Variants in MDGA2 observed in about 807,000 individuals in gnomAD.
The protein encoded by MDGA2 is MAM domain containing glycosylphosphatidylinositol anchor 2, also known as MAM domain-containing glycosylphosphatidylinositol anchor protein 2.
Under a neutral mutation model 117.8 loss-of-function variants are expected in MDGA2, and 40 were observed. The observed-to-expected ratio is 0.34, with a 90% confidence interval of 0.26 to 0.44. The LOEUF is 0.44. Ranked by LOEUF, MDGA2 falls within the 20% of genes least tolerant of loss-of-function variation. The probability of loss-of-function intolerance (pLI) is 1.00; values close to 1 mark genes in which losing one functional copy is unlikely to be tolerated. For missense variants in MDGA2, 1,123 were observed against 1,250.6 expected (o/e 0.90, Z 1.54); for synonymous variants, 452 against 439.0 (o/e 1.03, Z -0.37).
At chr14:47,414,656 A>C (rs1892439455) in intron 1 of MDGA2, among the ~76,000 whole-genome samples, 1 of 152,102 alleles carries the variant, frequency 6.6e-6, no homozygotes, top group Non-Finnish European at 1.5e-5. Context: ...GTGGATCTGA[A>C]ACCTGCCAAG....
At chr14:47,548,703 A>G (rs1012528214) in intron 1 of MDGA2, among the ~76,000 whole-genome samples, 8 of 152,114 alleles carry the variant, frequency 5.3e-5, no homozygotes, top group African/African-American at 1.9e-4. Context: ...GTCAAGGGTG[A>G]GAAATTAAGG....
At chr14:47,516,478 T>C (rs984961778) in intron 1 of MDGA2, among the ~76,000 whole-genome samples, 3 of 152,176 alleles carry the variant, frequency 2.0e-5, no homozygotes, top group East Asian at 3.9e-4. Flanking sequence ...TTACTACTGA[T>C]TAATAGACTT....
chr14:47,583,559 C>A (rs1194094584), intron 1 of MDGA2, among the ~76,000 whole-genome samples: 1 of 151,758 alleles, frequency 6.6e-6, no homozygotes, highest in African/African-American at 2.4e-5. Flanking sequence ...TATCTTAACA[C>A]CCAGCAATAA....
At chr14:47,637,382 A>C (rs1897342985) in intron 1 of MDGA2, among the ~76,000 whole-genome samples, 1 of 152,242 alleles carries the variant, frequency 6.6e-6, no homozygotes, top group East Asian at 1.9e-4. Context: ...AATTATTTAA[A>C]ATAACTAAAT....
At chr14:47,556,852 T>C (rs905263375) in intron 1 of MDGA2, among the ~76,000 whole-genome samples, 8 of 152,242 alleles carry the variant, frequency 5.3e-5, no homozygotes, top group Non-Finnish European at 8.8e-5. Context: ...AGTATCTTTA[T>C]GTGGTGTTTG....
intron 2 of MDGA2, among the ~76,000 whole-genome samples, chr14:47,288,786 TTAA>T: frequency 6.6e-6 from 1 of 151,806 alleles, no homozygotes; most frequent in East Asian, 1.9e-4. Context: ...TGAATCATTC[TTAA>T]TAACTGTTTT....
At position 47,276,850 on chromosome 14, in the gene MDGA2, G is replaced by C. The variant is rs575861587; in HGVS notation, c.420+24561C>G. 3.5e-4 allele frequency among the ~76,000 whole-genome samples: 53 copies of C among 152,188 alleles called. 1 individual carries two copies. The East Asian group carries it at 5.6e-3, about 16-fold the overall frequency. On this transcript the variant is annotated intron_variant, in intron 2 of 16. Transcript: ENST00000399232. ...GCTCCTCAATATCTTCTTCTGACTA[G>C]AGTCTAAGCTCCTTGATATTCCCTA... is the stretch of plus-strand genomic sequence containing the variant.
At chr14:47,162,495 T>C (rs1450931111) in intron 3 of MDGA2, among the ~76,000 whole-genome samples, 1 of 152,132 alleles carries the variant, frequency 6.6e-6, no homozygotes, top group Non-Finnish European at 1.5e-5. Flanking sequence ...CTGATATAAA[T>C]CCTTTTTTAA....
chr14:47,406,277 T>C (rs184659932), intron 1 of MDGA2, among the ~76,000 whole-genome samples: 42 of 152,232 alleles, frequency 2.8e-4, no homozygotes, highest in African/African-American at 9.4e-4. Context: ...AACTAATCTA[T>C]GTAATTAAGT....
intron 2 of MDGA2, among the ~76,000 whole-genome samples, chr14:47,247,867 TCTCA>T (rs1887301387): frequency 6.6e-6 from 1 of 151,370 alleles, no homozygotes; most frequent in Admixed American, 6.6e-5. Context: ...ATTGTCCAAC[TCTCA>T]CTCATGAGTG....
intron 1 of MDGA2, among the ~76,000 whole-genome samples, chr14:47,518,904 T>G (rs2138708583): frequency 6.6e-6 from 1 of 152,238 alleles, no homozygotes; most frequent in South Asian, 2.1e-4. Context: ...CCCTTGGTTG[T>G]TAAAAAATCA....
rs977942809 is a variant in MDGA2, at chr14:47,224,479, C to T, written c.421-6284G>A. Among the ~76,000 whole-genome samples the T allele has an allele frequency of 2.6e-5, 4 of 151,352 alleles. No homozygotes were observed. In the East Asian group the frequency reaches 7.8e-4, roughly 30 times the overall value. Reference sequence around the variant, plus strand: ...GTAGATGCAACAAACTCAATAAATACTTTGACCTGAGACTTCTAGGTTGCC... The same window carrying T: ...GTAGATGCAACAAACTCAATAAATATTTTGACCTGAGACTTCTAGGTTGCC... On this transcript the variant is annotated intron_variant, in intron 2 of 16. Coordinates refer to ENST00000399232, the MANE Select transcript of MDGA2 (RefSeq NM_001113498.3).
intron 1 of MDGA2, among the ~76,000 whole-genome samples, chr14:47,600,719 T>C (rs148870426): frequency 3.7e-5 from 5 of 135,886 alleles, no homozygotes; most frequent in Non-Finnish European, 7.4e-5. Context: ...TCTCATCGGA[T>C]CATTAAAAAA....
At chr14:47,436,828 G>A (rs1482132279) in intron 1 of MDGA2, among the ~76,000 whole-genome samples, 1 of 152,108 alleles carries the variant, frequency 6.6e-6, no homozygotes, top group Non-Finnish European at 1.5e-5. Context: ...ATTTCTTGAG[G>A]AAAGCATTAG....
intron 1 of MDGA2, among the ~76,000 whole-genome samples, chr14:47,637,961 T>G (rs575482920): frequency 7.2e-5 from 11 of 152,332 alleles, no homozygotes; most frequent in African/African-American, 2.6e-4. Flanking sequence ...ATTTGCTTAC[T>G]GTCTCCTTTG....
chr14:47,385,817 T>C (rs959144862), intron 1 of MDGA2, among the ~76,000 whole-genome samples: 13 of 152,324 alleles, frequency 8.5e-5, no homozygotes, highest in African/African-American at 2.9e-4. Context: ...TCGGTGATGA[T>C]AGCAACTGAG....
intron 1 of MDGA2, among the ~76,000 whole-genome samples, chr14:47,541,051 T>C (rs572169235): frequency 6.6e-6 from 1 of 152,256 alleles, no homozygotes; most frequent in South Asian, 2.1e-4. Context: ...TGCTCCTTAC[T>C]TCAGATTTCA....
chr14:47,182,765 A>G (rs1884759820), intron 3 of MDGA2, among the ~76,000 whole-genome samples: 2 of 152,166 alleles, frequency 1.3e-5, no homozygotes, highest in Admixed American at 1.3e-4. Flanking sequence ...ACTATAACTG[A>G]TACAGTTTTA....
chr14:47,671,056 A>G (rs1277020781), intron 1 of MDGA2, among the ~76,000 whole-genome samples: 1 of 152,146 alleles, frequency 6.6e-6, no homozygotes, highest in Admixed American at 6.5e-5. Flanking sequence ...TATTACTATA[A>G]TGTTACATCT....
Sources: allele counts gnomAD v4.1 joint callset (sites outside exome capture counted in the v4.1 genomes callset), GRCh38; gene constraint gnomAD v4.1.1; transcripts MANE v1.5; gene names NCBI Gene and HGNC (gene_info 2026-07-23, HGNC 2026-07-21).